The following PTPRD variants were observed in gnomAD, a reference collection of about 807,000 sequenced individuals.
The protein encoded by PTPRD is receptor-type tyrosine-protein phosphatase delta.
A neutral mutation model predicts 214.5 loss-of-function variants in PTPRD; 34 were observed. That is an observed-to-expected ratio of 0.16 (90% confidence interval 0.12 to 0.21). The LOEUF (loss-of-function observed/expected upper bound fraction) is 0.21, where lower values mean the gene tolerates loss of function less well. Ranked by LOEUF, PTPRD falls within the 10% of genes least tolerant of loss-of-function variation. The pLI, the probability that PTPRD is intolerant of heterozygous loss-of-function variation, is 1.00. For synonymous variants in PTPRD, 1,128 were observed against 845.7 expected, an observed-to-expected ratio of 1.33 and a Z score of -5.79; for missense variants, 2,545 against 2,398.7, an observed-to-expected ratio of 1.06 and a Z score of -1.27.
chr9:8,340,802 C>T (rs932121987), intron 41 of PTPRD, among the ~76,000 whole-genome samples: 1 of 152,100 alleles, frequency 6.6e-6, no homozygotes, highest in African/African-American at 2.4e-5. Context: ...ATTATTCTCA[C>T]ACAATCTATT....
chr9:8,380,418 C>G (rs1454064320), intron 37 of PTPRD, among the ~76,000 whole-genome samples: 1 of 152,140 alleles, frequency 6.6e-6, no homozygotes, highest in East Asian at 1.9e-4. Flanking sequence ...GAACTTGTCA[C>G]TCAGGCTGTG....
intron 2 of PTPRD, among the ~76,000 whole-genome samples, chr9:10,495,554 C>T (rs750335740): frequency 6.6e-6 from 1 of 151,820 alleles, no homozygotes; most frequent in Non-Finnish European, 1.5e-5. Flanking sequence ...TTACTATGTA[C>T]TATTCACTGT....
intron 3 of PTPRD, among the ~76,000 whole-genome samples, chr9:10,285,113 T>G (rs1434063410): frequency 2.0e-5 from 3 of 152,190 alleles, no homozygotes; most frequent in Admixed American, 2.0e-4. Flanking sequence ...TAATAAATAT[T>G]TTTATCAGTT....
intron 9 of PTPRD, among the ~76,000 whole-genome samples, chr9:9,316,963 A>G (rs2135775607): frequency 6.6e-6 from 1 of 152,218 alleles, no homozygotes; most frequent in Middle Eastern, 3.4e-3. Context: ...ATCTGCCCTC[A>G]TTTCTTTCTC....
intron 7 of PTPRD, among the ~76,000 whole-genome samples, chr9:9,601,111 A>ATG (rs140016979): frequency 0.32 from 30,609 of 95,962 alleles, 5,138 homozygotes; most frequent in East Asian, 0.59. Flanking sequence ...AGATTAATAT[A>ATG]TGTGTGTGTG....
chr9:8,431,888 G>C (rs1590236810), intron 35 of PTPRD, among the ~76,000 whole-genome samples: 1 of 152,328 alleles, frequency 6.6e-6, no homozygotes, highest in East Asian at 1.9e-4. Context: ...GTTTGTAATA[G>C]TTTCAGAAGG....
chr9:9,132,424 T>C (rs1178243074), intron 10 of PTPRD, among the ~76,000 whole-genome samples: 1 of 152,204 alleles, frequency 6.6e-6, no homozygotes. Flanking sequence ...TCAGTACCAA[T>C]AATAATTTAT....
intron 5 of PTPRD, among the ~76,000 whole-genome samples, chr9:9,884,356 C>G (rs983085521): frequency 1.3e-5 from 2 of 152,106 alleles, no homozygotes; most frequent in Admixed American, 6.6e-5. Flanking sequence ...GCAACAACAT[C>G]TATTCTTTCA....
intron 30 of PTPRD, among the ~76,000 whole-genome samples, chr9:8,473,674 A>T (rs897616533): frequency 2.6e-5 from 4 of 151,878 alleles, no homozygotes; most frequent in African/African-American, 9.7e-5. Context: ...TTGAGTTGCC[A>T]TTCTTGTACA....
intron 11 of PTPRD, among the ~76,000 whole-genome samples, chr9:8,735,732 A>T (rs923929408): frequency 1.3e-5 from 2 of 152,012 alleles, no homozygotes; most frequent in East Asian, 3.9e-4. Context: ...CAACATGGTG[A>T]AACTCCGTCT....
chr9:10,328,635 G>T lies in PTPRD; in HGVS notation c.-545+12328C>A, dbSNP rs2096691173. ...CTTGCTGGAGGTAAACATTAAAAATGTTATGCACCAAGAGAAAATATTTGA... is the reference window on the plus strand; with the variant it reads ...CTTGCTGGAGGTAAACATTAAAAATTTTATGCACCAAGAGAAAATATTTGA... On this transcript the variant is annotated intron_variant, in intron 3 of 45. Transcript: ENST00000381196. 1.3e-5 allele frequency among the ~76,000 whole-genome samples: 2 copies of T among 151,684 alleles called. 1 individual carries two copies. Among genetic ancestry groups the T allele is most frequent in the South Asian group, 4.1e-4 (2 of 4,826 alleles).
At chr9:10,411,699 G>A (rs7851468) in intron 2 of PTPRD, among the ~76,000 whole-genome samples, 6,319 of 151,594 alleles carry the variant, frequency 0.042, 456 homozygotes, top group African/African-American at 0.14. Flanking sequence ...CTAATTATTA[G>A]CTACTAATAA....
rs914843915 is a variant in PTPRD at position 9,428,635 on chromosome 9, C to T, written c.-236-31153G>A. ...GCACCATGTCGCACTTATTCCAAAA[C>T]TGACCACATAGTTGGAAGTAAAGCA... On this transcript the variant is annotated intron_variant, in intron 8 of 45. Transcript: ENST00000381196. Among the ~76,000 whole-genome samples the T allele has an allele frequency of 5.9e-5, 9 of 152,134 alleles. No homozygotes were observed. The South Asian group carries it at 6.2e-4, about 10-fold the overall frequency.
chr9:10,193,306 G>C (rs968700478), intron 3 of PTPRD, among the ~76,000 whole-genome samples: 1 of 151,718 alleles, frequency 6.6e-6, no homozygotes, highest in Admixed American at 6.6e-5. Context: ...ACTTGACCTG[G>C]GGAAAAAAAT....
chr9:8,574,192 A>T (rs1457996655), intron 14 of PTPRD, among the ~76,000 whole-genome samples: 1 of 152,030 alleles, frequency 6.6e-6, no homozygotes, highest in Non-Finnish European at 1.5e-5. Flanking sequence ...TCAAGAAAAG[A>T]CTAGAAGAAA....
intron 8 of PTPRD, among the ~76,000 whole-genome samples, chr9:9,482,692 G>A (rs1334149715): frequency 6.6e-6 from 1 of 152,102 alleles, no homozygotes; most frequent in Admixed American, 6.6e-5. Context: ...AACTTAAATA[G>A]CACATTTATG....
intron 6 of PTPRD, among the ~76,000 whole-genome samples, chr9:9,752,797 G>A (rs763036062): frequency 2.6e-5 from 4 of 151,996 alleles, no homozygotes; most frequent in Non-Finnish European, 4.4e-5. Flanking sequence ...ATATGGCCTG[G>A]CACGACCTTT....
chr9:8,929,968 A>G (rs1301473395), intron 11 of PTPRD, among the ~76,000 whole-genome samples: 1 of 149,998 alleles, frequency 6.7e-6, no homozygotes, highest in Non-Finnish European at 1.5e-5. Flanking sequence ...TATATATATA[A>G]CTATTATTAT....
chr9:8,607,222 A>C (rs1040683879), intron 14 of PTPRD, among the ~76,000 whole-genome samples: 1 of 152,254 alleles, frequency 6.6e-6, no homozygotes, highest in Non-Finnish European at 1.5e-5. Flanking sequence ...ATGCATATGT[A>C]AATTAGCTAG....
Sources: allele counts gnomAD v4.1 joint callset (sites outside exome capture counted in the v4.1 genomes callset), GRCh38; gene constraint gnomAD v4.1.1; transcripts MANE v1.5; gene names NCBI Gene and HGNC (gene_info 2026-07-23, HGNC 2026-07-21).